The following TERT variants were observed in gnomAD, a reference collection of about 807,000 sequenced individuals.
TERT encodes the protein telomerase reverse transcriptase.
In TERT, 42 loss-of-function variants were observed where a neutral mutation model predicts 104.0. The observed-to-expected ratio is 0.40, with a 90% confidence interval of 0.32 to 0.52. The LOEUF is 0.52. TERT is among the 20% of genes least tolerant of loss of function. TERT has a pLI of 0.43. For synonymous variants in TERT, 781 were observed against 725.6 expected, an observed-to-expected ratio of 1.08 and a Z score of -1.23; for missense variants, 1,101 against 1,610.3, an observed-to-expected ratio of 0.68 and a Z score of 5.41.
rs1060503014 is a variant in TERT at position 1,293,317 on chromosome 5, G to C, written c.1569C>G (p.Ser523Arg). The C allele has an allele frequency of 6.2e-7, 1 of 1,612,888 alleles. No individual in the cohort carries two copies. The highest frequency in any genetic ancestry group is 1.6e-4 in the Middle Eastern group (1 of 6,062). The part of the protein sequence containing the change: ...SVRDCAWLRR[S>R]PGVGCVPAAE... ...CGACGGCCACCACCTCCTCACCTGGGCTCCTGCGCAGCCAAGCGCAGTCCC... is the reference window on the plus strand; with the variant it reads ...CGACGGCCACCACCTCCTCACCTGGCCTCCTGCGCAGCCAAGCGCAGTCCC... Residue 523 changes from serine to arginine, a missense_variant, in exon 2 of 16, where the codon AGC becomes AGG. Physicochemically the swap from Ser to Arg is moderately radical, Grantham distance 110. Coordinates refer to ENST00000310581, the MANE Select transcript of TERT (RefSeq NM_198253.3).
chr5:1,293,608 A>G lies in TERT; in HGVS notation c.1278T>C (p.Cys426=), dbSNP rs1326706015. The change falls in exon 2 of 16, where the codon TGT becomes TGC. Residue 426 remains cysteine (C), a synonymous_variant. Coordinates refer to ENST00000310581, the MANE Select transcript of TERT (RefSeq NM_198253.3). ...RAAVTPAAGV[C]AREKPQGSVA... ...CAGAGCCCTGGGGCTTCTCCCGGGCACAGACACCGGCTGCTGGGGTGACCG... is the reference window on the plus strand; with the variant it reads ...CAGAGCCCTGGGGCTTCTCCCGGGCGCAGACACCGGCTGCTGGGGTGACCG... 2 of 1,549,264 alleles carry G rather than the reference A, an allele frequency of 1.3e-6. No individual in the cohort carries two copies. The highest frequency in any genetic ancestry group is 3.9e-5 in the Admixed American group (2 of 51,006).
Position 1,294,227 on chromosome 5 carries a change from C to A in TERT, c.659G>T (p.Gly220Val). Residue 220 changes from glycine to valine, a missense_variant, in exon 2 of 16, where the codon GGT (glycine) becomes GTT (valine). Physicochemically the swap from Gly to Val is moderately radical, Grantham distance 109 (BLOSUM62 -3). Coordinates refer to ENST00000310581, the MANE Select transcript of TERT (RefSeq NM_198253.3). ...AGVPLGLPAP[G>V]ARRRGGSASR... Reference sequence around the variant, plus strand: ...GGCACTGCCCCCGCGCCTCCTCGCACCCGGGGCTGGCAGGCCCAGGGGGAC... The same window carrying A: ...GGCACTGCCCCCGCGCCTCCTCGCAACCGGGGCTGGCAGGCCCAGGGGGAC... The A allele has an allele frequency of 6.3e-7, 1 of 1,586,390 alleles. No homozygotes were observed.
At chr5:1,264,262 G>C (rs1304728919) in intron 11 of TERT, 142 bp downstream of exon 11, 1 of 840,240 alleles carries the variant, frequency 1.2e-6, no homozygotes, top group African/African-American at 1.7e-5. Flanking sequence ...GCCCCAGATG[G>C]GACGAGGGGC....
intron 2 of TERT, among the ~76,000 whole-genome samples, chr5:1,283,357 G>A (rs1376267090): frequency 9.2e-5 from 10 of 108,640 alleles, no homozygotes; most frequent in Non-Finnish European, 1.1e-4. Context: ...ACCTCACCCC[G>A]GACCTGCACC....
intron 6 of TERT, among the ~76,000 whole-genome samples, chr5:1,275,201 C>T (rs1041506567): frequency 6.6e-6 from 1 of 152,086 alleles, no homozygotes; most frequent in Non-Finnish European, 1.5e-5. Context: ...ATGGAGAAAC[C>T]TCGTCTCTAC....
In TERT at chr5:1,269,250, G is replaced by A. The variant is rs6882077; in HGVS notation, c.2469-617C>T. Among the ~76,000 whole-genome samples the A allele has an allele frequency of 0.058, 8,862 of 152,182 alleles. 895 individuals carry two copies. Among genetic ancestry groups the A allele is most frequent in the African/African-American group, 0.2 (8,398 of 41,488 alleles). ...GACGCCACTCCTGTTGCTAAGAGAC[G>A]CTTGCAGCCTACTGCAAAAACAAGA... is the stretch of plus-strand genomic sequence containing the variant. On this transcript the variant is annotated intron_variant, in intron 8 of 15. Coordinates refer to ENST00000310581, the MANE Select transcript of TERT (RefSeq NM_198253.3). The surrounding 1 kb of genome is among the most constrained non-coding windows in gnomAD (Gnocchi z 9.0).
chr5:1,285,565 A>ATTTT lies in TERT; in HGVS notation c.1574-2945_1574-2942dup, dbSNP rs1170336173. Reference sequence around the variant, plus strand: ...TTACTTTTTTAATGTGGCTACTAGAATTTTTTTTTTTTTTTTTTTTTTTGA... The same window carrying ATTTT: ...TTACTTTTTTAATGTGGCTACTAGAATTTTTTTTTTTTTTTTTTTTTTTTTTTGA... On this transcript the variant is annotated intron_variant, in intron 2 of 15. Transcript: ENST00000310581. Among the ~76,000 whole-genome samples the ATTTT allele has an allele frequency of 7.8e-4, 64 of 82,196 alleles. 8 individuals carry two copies. The highest frequency in any genetic ancestry group is 1.9e-3 in the African/African-American group (39 of 20,486). 53.9% of individuals were successfully genotyped at this position (82,196 alleles called of 152,430 possible). A position where few individuals can be genotyped will look rare whatever the true frequency, so the allele number is the denominator to read the frequency against.
rs781329984 is a variant in TERT at position 1,293,522 on chromosome 5, T to A, written c.1364A>T (p.His455Leu). The change falls in exon 2 of 16, where the codon CAC becomes CTC. Residue 455 changes from histidine (H) to leucine (L), a missense_variant. This residue lies in a region of TERT where 504 missense variants were observed against 544.6 expected (regional missense o/e 0.93). Coordinates refer to ENST00000310581, the MANE Select transcript of TERT (RefSeq NM_198253.3). ...PRRLVQLLRQ[H>L]SSPWQVYGFV... ...GCCGTACACCTGCCAGGGGCTGCTGTGCTGGCGGAGCAGCTGCACCAGGCG... is the reference window on the plus strand; with the variant it reads ...GCCGTACACCTGCCAGGGGCTGCTGAGCTGGCGGAGCAGCTGCACCAGGCG... 1 of 1,564,104 alleles carries A rather than the reference T, an allele frequency of 6.4e-7. No individual in the cohort carries two copies. The highest frequency in any genetic ancestry group is 1.2e-5 in the South Asian group (1 of 85,762).
Position 1,294,914 on chromosome 5 carries a change from T to C in TERT, c.76A>G (p.Thr26Ala), listed in dbSNP as rs1579599309. Reference protein sequence around the residue: ...SHYREVLPLATFVRRLGPQGW... With the variant: ...SHYREVLPLAAFVRRLGPQGW... The stretch of plus-strand genomic sequence containing the variant: ...TGGGGCCCCAGGCGCCGCACGAACG[T>C]GGCCAGCGGCAGCACCTCGCGGTAG... The change falls in exon 1 of 16, where the codon ACG (threonine) becomes GCG (alanine). Residue 26 changes from threonine (T) to alanine (A), a missense_variant. This residue lies in a region of TERT where 87 missense variants were observed against 145.4 expected (regional missense o/e 0.60). Transcript: ENST00000310581. 6 of 1,429,646 alleles carry C rather than the reference T, an allele frequency of 4.2e-6. No homozygotes were observed. In the African/African-American group the frequency reaches 6.0e-5, roughly 14 times the overall value. 88.6% of individuals were successfully genotyped at this position (1,429,646 alleles called of 1,614,324 possible).
Position 1,269,788 on chromosome 5 carries a change from ACTCT to A in TERT, c.2469-1159_2469-1156del, listed in dbSNP as rs1298548534. Among the ~76,000 whole-genome samples, 2 of 151,850 alleles carry A rather than the reference ACTCT, an allele frequency of 1.3e-5. No individual in the cohort carries two copies. Among genetic ancestry groups the A allele is most frequent in the East Asian group, 3.9e-4 (2 of 5,178 alleles). Reference sequence around the variant, plus strand: ...CCCCTGTGAGCACATGGGATGGGAAACTCTCTCTGTTCTTAGTTTTTGGGGCAAC... The same window carrying A: ...CCCCTGTGAGCACATGGGATGGGAAACTCTGTTCTTAGTTTTTGGGGCAAC... On this transcript the variant is annotated intron_variant, in intron 8 of 15. Coordinates refer to ENST00000310581, the MANE Select transcript of TERT (RefSeq NM_198253.3). The surrounding 1 kb of genome is among the most constrained non-coding windows in gnomAD (Gnocchi z 9.0).
intron 6 of TERT, among the ~76,000 whole-genome samples, chr5:1,277,699 A>C (rs1749703930): frequency 6.6e-6 from 1 of 151,260 alleles, no homozygotes; most frequent in African/African-American, 2.4e-5. Flanking sequence ...GTGACTTTCT[A>C]CACCTGGGCA....
rs1396393681 is a variant in TERT at position 1,256,174 on chromosome 5, T to A, written c.3033-763A>T. Among the ~76,000 whole-genome samples, 1 of 151,940 alleles carries A rather than the reference T, an allele frequency of 6.6e-6. No homozygotes were observed. The highest frequency in any genetic ancestry group is 1.5e-5 in the Non-Finnish European group (1 of 67,990). On this transcript the variant is annotated intron_variant, in intron 13 of 15. Coordinates refer to ENST00000310581, the MANE Select transcript of TERT (RefSeq NM_198253.3). The surrounding 1 kb of genome is among the most constrained non-coding windows in gnomAD (Gnocchi z 7.0). ...ACAGGCGCACACCACCATGCTCAGC[T>A]AATTTTTGTTTTTATTTTTCATAGA...
chr5:1,253,931 CTCGT>C, intron 15 of TERT, 100 bp from the exon 16 acceptor site: 4 of 1,298,498 alleles, frequency 3.1e-6, no homozygotes, highest in Non-Finnish European at 4.4e-6. Context: ...GGGCCTGCAC[CTCGT>C]GGCCCTGGCT....
In TERT at chr5:1,278,913, C is replaced by T; in HGVS notation, c.2131-117G>A. On this transcript the variant is annotated intron_variant, in intron 5 of 15. Transcript: ENST00000310581. The stretch of plus-strand genomic sequence containing the variant: ...ACTCTCTCTCTGACCCCCACCACTC[C>T]AGACCCCAAGGGCAGGGCGGGCTGT... 4 of 1,424,240 alleles carry T rather than the reference C, an allele frequency of 2.8e-6. No homozygotes were observed. In the South Asian group the frequency reaches 4.6e-5, roughly 17 times the overall value. The allele number at this position is 1,424,240 out of a possible 1,614,324, so 88.2% of individuals were successfully genotyped here.
rs1338346580 is a variant in TERT at position 1,262,253 on chromosome 5, A to C, written c.2844-1653T>G. Among the ~76,000 whole-genome samples, 1 of 151,580 alleles carries C rather than the reference A, an allele frequency of 6.6e-6. No individual in the cohort carries two copies. Among genetic ancestry groups the C allele is most frequent in the Non-Finnish European group, 1.5e-5 (1 of 67,916 alleles). Reference sequence around the variant, plus strand: ...ATTTGCTTCCAGTCAGTTTTCTCAGAAAAAAAAATTACACACACACTCTCT... The same window carrying C: ...ATTTGCTTCCAGTCAGTTTTCTCAGCAAAAAAAATTACACACACACTCTCT... On this transcript the variant is annotated intron_variant, in intron 11 of 15. Transcript: ENST00000310581. The surrounding 1 kb of genome is among the most constrained non-coding windows in gnomAD (Gnocchi z 5.6).
chr5:1,272,070 T>C, intron 7 of TERT, 115 bp downstream of exon 7: 1 of 916,762 alleles, frequency 1.1e-6, no homozygotes, highest in Non-Finnish European at 1.8e-6. Flanking sequence ...TCACAGCTCA[T>C]TCCCCCCACT....
At chr5:1,278,499 G>T in intron 6 of TERT, 142 bp downstream of exon 6, 1 of 1,209,854 alleles carries the variant, frequency 8.3e-7, no homozygotes, top group Non-Finnish European at 1.2e-6. Flanking sequence ...CGACACACAC[G>T]TGCCACACAC....
intron 7 of TERT, 61 bp downstream of exon 7, chr5:1,272,113 AGCCCAGTGATT>A (rs1749082954): frequency 8.1e-7 from 1 of 1,236,964 alleles, no homozygotes; most frequent in East Asian, 2.5e-5. Context: ...TCCGGTCATG[AGCCCAGTGATT>A]GCCCAGGGGA....
Position 1,294,412 on chromosome 5 carries a change from G to C in TERT, c.474C>G (p.Leu158=). 6.3e-7 allele frequency: 1 copy of C among 1,589,656 alleles called. No homozygotes were observed. Among genetic ancestry groups the C allele is most frequent in the Non-Finnish European group, 8.5e-7 (1 of 1,175,870 alleles). ...CGCAGCTGGGAGCCACCAGCACAAA[G>C]AGCGCGCAGCGTGCCAGCAGGTGAA... is the stretch of plus-strand genomic sequence containing the variant. ...VLVHLLARCA[L]FVLVAPSCAY... Residue 158 remains leucine, a synonymous_variant, in exon 2 of 16, where the codon CTC becomes CTG. Transcript: ENST00000310581.
Sources: gnomAD v4.1 joint callset for allele counts (sites outside exome capture counted in the v4.1 genomes callset) on GRCh38, gnomAD v4.1.1 for gene constraint, gnomAD v4.1.1 regional missense constraint, Gnocchi (gnomAD v3.1) non-coding constraint, MANE v1.5 for transcripts, NCBI Gene and HGNC (gene_info 2026-07-23, HGNC 2026-07-21) for gene names.